The following LINGO2 variants were observed in gnomAD, a reference collection of about 807,000 sequenced individuals.
LINGO2 encodes leucine-rich repeat and immunoglobulin-like domain-containing nogo receptor-interacting protein 2.
In LINGO2, 14 loss-of-function variants were observed where a neutral mutation model predicts 30.6. The ratio of observed to expected loss-of-function variants is 0.46; its 90% CI spans 0.30 to 0.72. The LOEUF (loss-of-function observed/expected upper bound fraction) is 0.72, where lower values mean the gene tolerates loss of function less well. Among genes scored for constraint, LINGO2 ranks in the 30% least tolerant of loss-of-function variants. The probability of loss-of-function intolerance (pLI) is 0.07; values close to 1 mark genes in which losing one functional copy is unlikely to be tolerated. For missense variants in LINGO2, 729 were observed against 751.7 expected (o/e 0.97, Z 0.35); for synonymous variants, 317 against 288.5 (o/e 1.10, Z -1.00).
At chr9:28,200,942 G>T (rs1233424353) in intron 4 of LINGO2, among the ~76,000 whole-genome samples, 1 of 150,452 alleles carries the variant, frequency 6.6e-6, no homozygotes, top group Non-Finnish European at 1.5e-5. Flanking sequence ...ATAAATCACC[G>T]TACAAGACTC....
intron 3 of LINGO2, among the ~76,000 whole-genome samples, chr9:28,320,457 T>C (rs1461113638): frequency 6.6e-6 from 1 of 152,186 alleles, no homozygotes; most frequent in African/African-American, 2.4e-5. Context: ...ACAATTTCAG[T>C]AGTTATATTT....
chr9:28,294,692 A>T lies in LINGO2; in HGVS notation c.-87+516T>A, dbSNP rs138339023. Among the ~76,000 whole-genome samples the T allele has an allele frequency of 2.6e-4, 40 of 152,354 alleles. No homozygotes were observed. The East Asian group carries it at 7.3e-3, about 28-fold the overall frequency. On this transcript the variant is annotated intron_variant, in intron 4 of 5. Coordinates refer to ENST00000379992, the Ensembl canonical transcript of LINGO2. Reference sequence around the variant, plus strand: ...CCAAAATAATACAGTATGTCATTGTATCACCATCTTAAATAACAGGTGAAT... The same window carrying T: ...CCAAAATAATACAGTATGTCATTGTTTCACCATCTTAAATAACAGGTGAAT...
chr9:28,064,547 A>G (rs945496173), intron 4 of LINGO2, among the ~76,000 whole-genome samples: 3 of 152,174 alleles, frequency 2.0e-5, no homozygotes, highest in Non-Finnish European at 4.4e-5. Flanking sequence ...AAGTTTGATG[A>G]GAAATCCACG....
the LINGO2 span, among the ~76,000 whole-genome samples, chr9:29,210,882 C>T: frequency 6.6e-6 from 1 of 152,136 alleles, no homozygotes; most frequent in Non-Finnish European, 1.5e-5. Flanking sequence ...CTTCCTCACA[C>T]TCCAACTGTA....
intron 4 of LINGO2, among the ~76,000 whole-genome samples, chr9:28,015,004 GT>G (rs1554658626): frequency 6.6e-6 from 1 of 152,076 alleles, no homozygotes; most frequent in Non-Finnish European, 1.5e-5. Context: ...AAACAAAATA[GT>G]TCCTGAAGTG....
chr9:28,082,610 T>G (rs113873229), intron 4 of LINGO2, among the ~76,000 whole-genome samples: 1 of 152,292 alleles, frequency 6.6e-6, no homozygotes, highest in South Asian at 2.1e-4. Flanking sequence ...AACTTTAAAC[T>G]GGGCTTTCAA....
At chr9:28,358,042 T>C (rs117762849) in intron 3 of LINGO2, among the ~76,000 whole-genome samples, 2,310 of 152,264 alleles carry the variant, frequency 0.015, 33 homozygotes, top group Middle Eastern at 0.058. Flanking sequence ...AAAGGGTAGA[T>C]CCAGAATGAT....
chr9:28,437,914 C>A (rs531711871), intron 2 of LINGO2, among the ~76,000 whole-genome samples: 1 of 152,226 alleles, frequency 6.6e-6, no homozygotes, highest in African/African-American at 2.4e-5. Flanking sequence ...ACCATAGATC[C>A]AACTACCTCC....
intron 1 of LINGO2, among the ~76,000 whole-genome samples, chr9:28,516,612 T>C (rs982951769): frequency 1.3e-5 from 2 of 152,168 alleles, no homozygotes; most frequent in African/African-American, 4.8e-5. Flanking sequence ...ATCTACTTCA[T>C]AGAAATGAAA....
At chr9:28,724,489 G>A in the LINGO2 span, among the ~76,000 whole-genome samples, 1 of 152,232 alleles carries the variant, frequency 6.6e-6, no homozygotes, top group East Asian at 1.9e-4. Context: ...GAACTGTACA[G>A]CTAATGCACT....
chr9:28,606,324 A>G (rs1191565608), intron 1 of LINGO2, among the ~76,000 whole-genome samples: 1 of 152,054 alleles, frequency 6.6e-6, no homozygotes, highest in Admixed American at 6.6e-5. Flanking sequence ...AAGAAATAAA[A>G]GATGTCTACC....
chr9:29,073,430 G>A, the LINGO2 span, among the ~76,000 whole-genome samples: 83 of 152,146 alleles, frequency 5.5e-4, no homozygotes, highest in African/African-American at 1.8e-3. Context: ...CTAAAGTCAC[G>A]GGACAAATTC....
intron 4 of LINGO2, among the ~76,000 whole-genome samples, chr9:28,243,130 C>G (rs1442990444): frequency 1.3e-5 from 2 of 152,016 alleles, no homozygotes; most frequent in African/African-American, 4.8e-5. Context: ...CAATATTAAC[C>G]TTAAATGTAA....
intron 4 of LINGO2, among the ~76,000 whole-genome samples, chr9:28,137,056 A>T (rs1827537375): frequency 6.6e-6 from 1 of 152,068 alleles, no homozygotes; most frequent in Non-Finnish European, 1.5e-5. Flanking sequence ...TTCAGACTTG[A>T]TCTGGCACTA....
Position 28,099,168 on chromosome 9 carries a change from A to AT in LINGO2, c.-86-86764dup, listed in dbSNP as rs894118993. 2.4e-4 allele frequency among the ~76,000 whole-genome samples: 37 copies of AT among 151,466 alleles called. No homozygotes were observed. In the East Asian group the frequency reaches 3.1e-3, roughly 13 times the overall value. On this transcript the variant is annotated intron_variant, in intron 4 of 5. Transcript: ENST00000379992. ...AGCTCCACAAGGTTCCTTACAGGTG[A>AT]TTTTTTTTTGGTATCTTTCATCTGT...
intron 1 of LINGO2, among the ~76,000 whole-genome samples, chr9:28,623,149 C>T (rs551464452): frequency 6.6e-5 from 10 of 151,930 alleles, no homozygotes; most frequent in Admixed American, 3.3e-4. Context: ...GCTGTCTCTT[C>T]ACTTTGTTGA....
At chr9:28,065,627 A>C (rs762786249) in intron 4 of LINGO2, among the ~76,000 whole-genome samples, 2 of 152,166 alleles carry the variant, frequency 1.3e-5, no homozygotes, top group African/African-American at 2.4e-5. Context: ...CTGGCTACTA[A>C]ATAAGTGAAA....
the LINGO2 span, among the ~76,000 whole-genome samples, chr9:29,114,410 ATT>A: frequency 8.6e-6 from 1 of 116,276 alleles, no homozygotes; most frequent in Non-Finnish European, 1.8e-5. Flanking sequence ...TATTATTATT[ATT>A]ATTATTATAC....
upstream of LINGO2, among the ~76,000 whole-genome samples, chr9:28,674,822 A>T (rs1440599387): frequency 6.6e-6 from 1 of 152,164 alleles, no homozygotes; most frequent in African/African-American, 2.4e-5. Flanking sequence ...GGATGATTGC[A>T]TAAGGCTAAT....
Sources: allele counts gnomAD v4.1 joint callset (sites outside exome capture counted in the v4.1 genomes callset), GRCh38; gene constraint gnomAD v4.1.1; transcripts MANE v1.5; gene names NCBI Gene and HGNC (gene_info 2026-07-23, HGNC 2026-07-21).